TPBGL: variants seen among roughly 807,000 people sequenced by gnomAD.
TPBGL encodes the protein trophoblast glycoprotein like.
For synonymous variants in TPBGL, 380 were observed against 314.8 expected, an observed-to-expected ratio of 1.21 and a Z score of -2.19; for missense variants, 685 against 609.4, an observed-to-expected ratio of 1.12 and a Z score of -1.31.
At position 75,242,468 on chromosome 11, in the gene TPBGL, C is replaced by CGAA. The variant is rs1945609332; in HGVS notation, c.*270_*271insGAA. 6.3e-5 allele frequency: 13 copies of CGAA among 205,398 alleles called. No individual in the cohort carries two copies. In the Admixed American group the frequency reaches 8.2e-4, roughly 13 times the overall value. The allele number at this position is 205,398 out of a possible 1,614,324, so 12.7% of individuals were successfully genotyped here. A position where few individuals can be genotyped will look rare whatever the true frequency, so the allele number is the denominator to read the frequency against. ...CTCGGAGCTCACACAGAGAATCTGT[C>CGAA]CTTCAAGGCCAAAGCTCTGAGACTT... is the stretch of plus-strand genomic sequence containing the variant. On this transcript the variant is annotated 3_prime_UTR_variant, in exon 1 of 1. Transcript: ENST00000562197.
At position 75,243,369 on chromosome 11, in the gene TPBGL, T is replaced by TACCACCACC. The variant is rs1365512632; in HGVS notation, c.*1175_*1183dup. 3.9e-5 allele frequency: 6 copies of TACCACCACC among 152,432 alleles called. No homozygotes were observed. The highest frequency in any genetic ancestry group is 1.4e-4 in the African/African-American group (6 of 41,428). The allele number at this position is 152,432 out of a possible 1,614,324, so 9.4% of individuals were successfully genotyped here. A position where few individuals can be genotyped will look rare whatever the true frequency, so the allele number is the denominator to read the frequency against. On this transcript the variant is annotated 3_prime_UTR_variant, in exon 1 of 1. Transcript: ENST00000562197. ...CTTGGGGATTCCTTGCCACCACCGCTACCACCACCACCTCACCCCGTGTAT... is the reference window on the plus strand; with the variant it reads ...CTTGGGGATTCCTTGCCACCACCGCTACCACCACCACCACCACCACCTCACCCCGTGTAT...
rs1343357015 is a variant in TPBGL at position 75,242,965 on chromosome 11, C to G, written c.*767C>G. 1.3e-5 allele frequency: 2 copies of G among 152,330 alleles called. No individual in the cohort carries two copies. Among genetic ancestry groups the G allele is most frequent in the African/African-American group, 4.8e-5 (2 of 41,406 alleles). 9.4% of individuals were successfully genotyped at this position (152,330 alleles called of 1,614,324 possible). A position where few individuals can be genotyped will look rare whatever the true frequency, so the allele number is the denominator to read the frequency against. On this transcript the variant is annotated 3_prime_UTR_variant, in exon 1 of 1. Coordinates refer to ENST00000562197, the MANE Select transcript of TPBGL (RefSeq NM_001195528.2). ...GTGCTGGTCCCCAGTCTCAGACTCT[C>G]AGCTCTTCACCCCGATCTGACTTTC... is the stretch of plus-strand genomic sequence containing the variant.
At position 75,243,377 on chromosome 11, in the gene TPBGL, C is replaced by T. The variant is rs146274266; in HGVS notation, c.*1179C>T. ...TTCCTTGCCACCACCGCTACCACCACCACCTCACCCCGTGTATCTTCTGAA... is the reference window on the plus strand; with the variant it reads ...TTCCTTGCCACCACCGCTACCACCATCACCTCACCCCGTGTATCTTCTGAA... On this transcript the variant is annotated 3_prime_UTR_variant, in exon 1 of 1. Transcript: ENST00000562197. The T allele has an allele frequency of 0.012, 1,846 of 152,600 alleles. 13 individuals are homozygous for T. Among genetic ancestry groups the T allele is most frequent in the Middle Eastern group, 0.024 (7 of 294 alleles). The allele number at this position is 152,600 out of a possible 1,614,324, so 9.5% of individuals were successfully genotyped here.
In TPBGL at chr11:75,242,131, C is replaced by A; in HGVS notation, c.1082C>A (p.Pro361Gln). ...YHYRYEQDADPRRAPAPAAPA... is the reference protein window; with the variant it reads ...YHYRYEQDADQRRAPAPAAPA... ...TACCGCTACGAGCAGGACGCCGACC[C>A]GCGCCGCGCGCCCGCGCCCGCCGCG... is the stretch of plus-strand genomic sequence containing the variant. The change falls in exon 1 of 1, where the codon CCG becomes CAG. Residue 361 changes from proline (P) to glutamine (Q), a missense_variant. Coordinates refer to ENST00000562197, the MANE Select transcript of TPBGL (RefSeq NM_001195528.2). 2.4e-6 allele frequency: 3 copies of A among 1,231,752 alleles called. No homozygotes were observed. Among genetic ancestry groups the A allele is most frequent in the Non-Finnish European group, 3.0e-6 (3 of 988,078 alleles). The allele number at this position is 1,231,752 out of a possible 1,614,324, so 76.3% of individuals were successfully genotyped here.
rs1023789747 is a variant in TPBGL at position 75,241,870 on chromosome 11, C to G, written c.821C>G (p.Pro274Arg). ...GCCCCGCGGGCGCTGCTAGACCGGCCGCTACTGGACCTGGACGGGGCGCGG... is the reference window on the plus strand; with the variant it reads ...GCCCCGCGGGCGCTGCTAGACCGGCGGCTACTGGACCTGGACGGGGCGCGG... Reference protein sequence around the residue: ...CAAPRALLDRPLLDLDGARLR... With the variant: ...CAAPRALLDRRLLDLDGARLR... The change falls in exon 1 of 1, where the codon CCG becomes CGG. Residue 274 changes from proline to arginine, a missense_variant. Physicochemically the swap from Pro to Arg is moderately radical, Grantham distance 103 (BLOSUM62 -2). Coordinates refer to ENST00000562197, the MANE Select transcript of TPBGL (RefSeq NM_001195528.2). The G allele has an allele frequency of 7.1e-7, 1 of 1,405,114 alleles. No homozygotes were observed. The highest frequency in any genetic ancestry group is 1.4e-5 in the South Asian group (1 of 70,318). The allele number at this position is 1,405,114 out of a possible 1,614,324, so 87.0% of individuals were successfully genotyped here.
At position 75,241,347 on chromosome 11, in the gene TPBGL, C is replaced by T. The variant is rs1357194840; in HGVS notation, c.298C>T (p.Arg100Cys). 2 of 1,363,412 alleles carry T rather than the reference C, an allele frequency of 1.5e-6. No individual in the cohort carries two copies. Among genetic ancestry groups the T allele is most frequent in the African/African-American group, 1.5e-5 (1 of 65,068 alleles). The allele number at this position is 1,363,412 out of a possible 1,614,324, so 84.5% of individuals were successfully genotyped here. ...GCGCCTGCCGCTCCTGAGCGCGCTG[C>T]GCCTCACGCACAACCACATCGAGGT... is the stretch of plus-strand genomic sequence containing the variant. ...GVRLPLLSAL[R>C]LTHNHIEVVE... The change falls in exon 1 of 1, where the codon CGC becomes TGC. Residue 100 changes from arginine to cysteine, a missense_variant. Coordinates refer to ENST00000562197, the MANE Select transcript of TPBGL (RefSeq NM_001195528.2).
rs1343242338 is a variant in TPBGL at position 75,242,117 on chromosome 11, G to A, written c.1068G>A (p.Glu356=). The change falls in exon 1 of 1, where the codon GAG becomes GAA. Residue 356 remains glutamate, a synonymous_variant. Transcript: ENST00000562197. ...TGGAGGGCTACCACTACCGCTACGA[G>A]CAGGACGCCGACCCGCGCCGCGCGC... ...DQMEGYHYRY[E]QDADPRRAPA... 2.3e-6 allele frequency: 3 copies of A among 1,309,882 alleles called. No homozygotes were observed. The highest frequency in any genetic ancestry group is 3.2e-5 in the Admixed American group (1 of 31,654). 81.1% of individuals were successfully genotyped at this position (1,309,882 alleles called of 1,614,324 possible). A position where few individuals can be genotyped will look rare whatever the true frequency, so the allele number is the denominator to read the frequency against.
rs1481727326 is a variant in TPBGL, at chr11:75,241,122, G to A, written c.73G>A (p.Ala25Thr). ...GGCGGCGGCGCTGAGCCAGCCCGCG[G>A]CACCCTGCCCCTTCCAGTGCTACTG... is the stretch of plus-strand genomic sequence containing the variant. ...LVAAALSQPA[A>T]PCPFQCYCFG... is the part of the protein sequence containing the mutation. The change falls in exon 1 of 1, where the codon GCA becomes ACA. Residue 25 changes from alanine to threonine, a missense_variant. By Grantham distance (58) the Ala-to-Thr change is moderately conservative. Transcript: ENST00000562197. The A allele has an allele frequency of 2.8e-6, 4 of 1,410,442 alleles. No homozygotes were observed. Among genetic ancestry groups the A allele is most frequent in the Non-Finnish European group, 3.7e-6 (4 of 1,079,630 alleles). The allele number at this position is 1,410,442 out of a possible 1,614,324, so 87.4% of individuals were successfully genotyped here.
chr11:75,241,392 G>A lies in TPBGL; in HGVS notation c.343G>A (p.Asp115Asn). 7.3e-7 allele frequency: 1 copy of A among 1,370,526 alleles called. No individual in the cohort carries two copies. The highest frequency in any genetic ancestry group is 3.2e-5 in the East Asian group (1 of 31,124). 84.9% of individuals were successfully genotyped at this position (1,370,526 alleles called of 1,614,324 possible). A position where few individuals can be genotyped will look rare whatever the true frequency, so the allele number is the denominator to read the frequency against. The part of the protein sequence containing the change: ...HIEVVEDGAF[D>N]GLPSLAALDL... The stretch of plus-strand genomic sequence containing the variant: ...CGAGGTGGTGGAGGACGGCGCCTTC[G>A]ACGGGCTGCCCAGCCTGGCGGCGCT... Residue 115 changes from aspartate (D) to asparagine (N), a missense_variant, in exon 1 of 1, where the codon GAC becomes AAC. Physicochemically the swap from Asp to Asn is conservative, Grantham distance 23. Coordinates refer to ENST00000562197, the MANE Select transcript of TPBGL (RefSeq NM_001195528.2).
chr11:75,242,523 A>C lies in TPBGL; in HGVS notation c.*325A>C. The C allele has an allele frequency of 6.4e-6, 1 of 156,726 alleles. No homozygotes were observed. The highest frequency in any genetic ancestry group is 1.4e-5 in the Non-Finnish European group (1 of 71,800). 9.7% of individuals were successfully genotyped at this position (156,726 alleles called of 1,614,324 possible). A position where few individuals can be genotyped will look rare whatever the true frequency, so the allele number is the denominator to read the frequency against. Reference sequence around the variant, plus strand: ...CCAGCACCCTGTGCTTGGAGCTCCGACACCCGAGACTGCACTGACCTCCCT... The same window carrying C: ...CCAGCACCCTGTGCTTGGAGCTCCGCCACCCGAGACTGCACTGACCTCCCT... On this transcript the variant is annotated 3_prime_UTR_variant, in exon 1 of 1. Coordinates refer to ENST00000562197, the MANE Select transcript of TPBGL (RefSeq NM_001195528.2).
chr11:75,242,112 T>C lies in TPBGL; in HGVS notation c.1063T>C (p.Tyr355His). Residue 355 changes from tyrosine (Y) to histidine (H), a missense_variant, in exon 1 of 1, where the codon TAC (tyrosine) becomes CAC (histidine). Physicochemically the swap from Tyr to His is moderately conservative, Grantham distance 83. Transcript: ENST00000562197. ...RDQMEGYHYRYEQDADPRRAP... is the reference protein window; with the variant it reads ...RDQMEGYHYRHEQDADPRRAP... ...CCAGATGGAGGGCTACCACTACCGC[T>C]ACGAGCAGGACGCCGACCCGCGCCG... is the stretch of plus-strand genomic sequence containing the variant. 7.4e-7 allele frequency: 1 copy of C among 1,352,632 alleles called. No individual in the cohort carries two copies. The highest frequency in any genetic ancestry group is 1.7e-5 in the South Asian group (1 of 58,240). 83.8% of individuals were successfully genotyped at this position (1,352,632 alleles called of 1,614,324 possible). A position where few individuals can be genotyped will look rare whatever the true frequency, so the allele number is the denominator to read the frequency against.
At position 75,241,215 on chromosome 11, in the gene TPBGL, G is replaced by T. The variant is rs966872297; in HGVS notation, c.166G>T (p.Val56Leu). The T allele has an allele frequency of 9.0e-6, 13 of 1,443,262 alleles. No individual in the cohort carries two copies. The highest frequency in any genetic ancestry group is 3.0e-5 in the African/African-American group (2 of 67,374). The allele number at this position is 1,443,262 out of a possible 1,614,324, so 89.4% of individuals were successfully genotyped here. ...CGAGCTCCGCCAGCCTCCGCGGGAC[G>T]TGCCGCCCGACGCGCGCAACCTCAC... is the stretch of plus-strand genomic sequence containing the variant. ...GAELRQPPRD[V>L]PPDARNLTIV... Residue 56 changes from valine (V) to leucine (L), a missense_variant, in exon 1 of 1, where the codon GTG becomes TTG. By Grantham distance (32) the Val-to-Leu change is conservative (BLOSUM62 1). Transcript: ENST00000562197.
In TPBGL at chr11:75,243,550, C is replaced by T. The variant is rs1945619478; in HGVS notation, c.*1352C>T. On this transcript the variant is annotated 3_prime_UTR_variant, in exon 1 of 1. Transcript: ENST00000562197. ...CTCCCTGACTCCCCACCCTCTAGAT[C>T]AGGCAGAATGGCTGGCCTGTGCTGC... The T allele has an allele frequency of 6.6e-6, 1 of 152,144 alleles. No individual in the cohort carries two copies. The highest frequency in any genetic ancestry group is 1.5e-5 in the Non-Finnish European group (1 of 68,026). The allele number at this position is 152,144 out of a possible 1,614,324, so 9.4% of individuals were successfully genotyped here.
chr11:75,241,921 A>C lies in TPBGL; in HGVS notation c.872A>C (p.Asp291Ala), dbSNP rs985954507. ...ARLRCADSGA[D>A]ARGEEAEAAG... ...CTTCGCTGCGCGGACAGCGGCGCCG[A>C]CGCTCGCGGAGAGGAGGCGGAGGCC... Residue 291 changes from aspartate (D) to alanine (A), a missense_variant, in exon 1 of 1, where the codon GAC (aspartate) becomes GCC (alanine). Physicochemically the swap from Asp to Ala is moderately radical, Grantham distance 126. Transcript: ENST00000562197. 3 of 1,479,940 alleles carry C rather than the reference A, an allele frequency of 2.0e-6. No individual in the cohort carries two copies. The highest frequency in any genetic ancestry group is 8.9e-7 in the Non-Finnish European group (1 of 1,117,804). 91.7% of individuals were successfully genotyped at this position (1,479,940 alleles called of 1,614,324 possible).
In TPBGL at chr11:75,241,540, T is replaced by C. The variant is rs1481723599; in HGVS notation, c.491T>C (p.Leu164Pro). 1.6e-6 allele frequency: 2 copies of C among 1,250,568 alleles called. No homozygotes were observed. The highest frequency in any genetic ancestry group is 2.0e-6 in the Non-Finnish European group (2 of 994,178). The allele number at this position is 1,250,568 out of a possible 1,614,324, so 77.5% of individuals were successfully genotyped here. ...GGCGGCCCCGCGCTGCTGGCCGCGC[T>C]GGACGCTGCGCTGGCACCGCTGGCC... ...VRGGPALLAA[L>P]DAALAPLAEL... Residue 164 changes from leucine (L) to proline (P), a missense_variant, in exon 1 of 1, where the codon CTG becomes CCG. Leu to Pro is a moderately conservative substitution (Grantham distance 98). Transcript: ENST00000562197.
chr11:75,242,001 A>G lies in TPBGL; in HGVS notation c.952A>G (p.Ile318Val). The stretch of plus-strand genomic sequence containing the variant: ...GTTCTTCGGGCTGGTGCTGGCACTC[A>G]TCGGCCTCATCTTCCTCATGGTGCT... ...YVFFGLVLAL[I>V]GLIFLMVLYL... The change falls in exon 1 of 1, where the codon ATC becomes GTC. Residue 318 changes from isoleucine to valine, a missense_variant. Physicochemically the swap from Ile to Val is conservative, Grantham distance 29. Transcript: ENST00000562197. 1.3e-6 allele frequency: 2 copies of G among 1,489,834 alleles called. No homozygotes were observed. The highest frequency in any genetic ancestry group is 1.8e-6 in the Non-Finnish European group (2 of 1,122,324). 92.3% of individuals were successfully genotyped at this position (1,489,834 alleles called of 1,614,324 possible). A position where few individuals can be genotyped will look rare whatever the true frequency, so the allele number is the denominator to read the frequency against.
In TPBGL at chr11:75,242,024, G is replaced by A; in HGVS notation, c.975G>A (p.Val325=). The A allele has an allele frequency of 5.4e-6, 8 of 1,472,046 alleles. No individual in the cohort carries two copies. Among genetic ancestry groups the A allele is most frequent in the Non-Finnish European group, 6.3e-6 (7 of 1,112,680 alleles). 91.2% of individuals were successfully genotyped at this position (1,472,046 alleles called of 1,614,324 possible). Residue 325 remains valine (V), a synonymous_variant, in exon 1 of 1, where the codon GTG becomes GTA. Transcript: ENST00000562197. ...LALIGLIFLM[V]LYLNRRGIQR... is the part of the protein sequence containing the mutation. The stretch of plus-strand genomic sequence containing the variant: ...TCATCGGCCTCATCTTCCTCATGGT[G>A]CTCTACCTAAACCGCCGCGGCATCC...
At position 75,241,811 on chromosome 11, in the gene TPBGL, G is replaced by A; in HGVS notation, c.762G>A (p.Glu254=). The A allele has an allele frequency of 7.7e-7, 1 of 1,293,610 alleles. No individual in the cohort carries two copies. The highest frequency in any genetic ancestry group is 2.2e-5 in the South Asian group (1 of 46,320). 80.1% of individuals were successfully genotyped at this position (1,293,610 alleles called of 1,614,324 possible). A position where few individuals can be genotyped will look rare whatever the true frequency, so the allele number is the denominator to read the frequency against. The change falls in exon 1 of 1, where the codon GAG becomes GAA. Residue 254 remains glutamate, a synonymous_variant. Coordinates refer to ENST00000562197, the MANE Select transcript of TPBGL (RefSeq NM_001195528.2). ...TGGCCTGGCTGCGCAACGCCACGGA[G>A]CGCGTGCCCGACTCGCGGCGCCTGC... ...PLLAWLRNAT[E]RVPDSRRLRC...
In TPBGL at chr11:75,242,178, TC is replaced by T. The variant is rs1246843415; in HGVS notation, c.1133del (p.Pro378ArgfsTer32). The T allele has an allele frequency of 6.9e-6, 8 of 1,159,178 alleles. No homozygotes were observed. Among genetic ancestry groups the T allele is most frequent in the Non-Finnish European group, 8.5e-6 (8 of 945,396 alleles). 71.8% of individuals were successfully genotyped at this position (1,159,178 alleles called of 1,614,324 possible). A position where few individuals can be genotyped will look rare whatever the true frequency, so the allele number is the denominator to read the frequency against. Reference protein sequence around the residue: ...PAAPAGSRATSPGSGL With the variant: ...PAAPAGSRATXPGSGL Reference sequence around the variant, plus strand: ...CGCGCCCGCGGGCTCCCGCGCCACCTCCCCGGGCTCGGGGCTCTGAGCGGCG... The same window carrying T: ...CGCGCCCGCGGGCTCCCGCGCCACCTCCCGGGCTCGGGGCTCTGAGCGGCG... On this transcript the variant is annotated frameshift_variant, in exon 1 of 1. Transcript: ENST00000562197. LOFTEE classifies it high-confidence loss of function.
Sources: allele counts gnomAD v4.1 joint callset, GRCh38; gene constraint gnomAD v4.1.1; transcripts MANE v1.5; gene names NCBI Gene and HGNC (gene_info 2026-07-23, HGNC 2026-07-21).